CEP290: variants seen among roughly 807,000 people sequenced by gnomAD.
CEP290 encodes centrosomal protein 290, also known as centrosomal protein of 290 kDa.
Under a neutral mutation model 344.9 loss-of-function variants are expected in CEP290, and 317 were observed. That is an observed-to-expected ratio of 0.92 (90% CI 0.84 to 1.01). CEP290 has a LOEUF of 1.01. Among genes scored for constraint, CEP290 ranks in the 50% least tolerant of loss-of-function variants. CEP290 has a pLI of 0.00. For missense variants in CEP290, 2,754 were observed against 2,761.4 expected (o/e 1.00, Z 0.06); for synonymous variants, 932 against 895.8 (o/e 1.04, Z -0.72).
intron 35 of CEP290, among the ~76,000 whole-genome samples, 170 bp from the exon 36 acceptor site, chr12:88,084,124 A>G (rs990586188): frequency 5.9e-5 from 9 of 152,168 alleles, no homozygotes; most frequent in Non-Finnish European, 1.2e-4. Context: ...CCCCTCAGAC[A>G]ATGTTCAAGT....
At position 88,139,982 on chromosome 12, in the gene CEP290, C is replaced by T. The variant is rs181028070; in HGVS notation, c.181-418G>A. 2.5e-3 allele frequency among the ~76,000 whole-genome samples: 374 copies of T among 152,258 alleles called. 2 individuals are homozygous for T. Among genetic ancestry groups the T allele is most frequent in the African/African-American group, 8.6e-3 (359 of 41,558 alleles). Reference sequence around the variant, plus strand: ...TATTATCCAGGCTAGTCTTGAACTCCCAGGCTCAAGCAATCCTCCTGCCTT... The same window carrying T: ...TATTATCCAGGCTAGTCTTGAACTCTCAGGCTCAAGCAATCCTCCTGCCTT... On this transcript the variant is annotated intron_variant, in intron 3 of 53. Transcript: ENST00000552810.
chr12:88,132,391 G>A (rs1413320902), intron 6 of CEP290, among the ~76,000 whole-genome samples: 1 of 152,174 alleles, frequency 6.6e-6, no homozygotes, highest in Non-Finnish European at 1.5e-5. Context: ...TGGAGGTGGG[G>A]AGACTGAAGG....
chr12:88,141,831 A>C (rs2040696553), intron 1 of CEP290, 69 bp downstream of exon 1: 1 of 152,716 alleles, frequency 6.5e-6, no homozygotes, highest in South Asian at 2.1e-4. Flanking sequence ...GCTGTGGCAC[A>C]CGGGCCCTCA....
chr12:88,110,185 A>G (rs2038579804), intron 22 of CEP290, among the ~76,000 whole-genome samples: 1 of 152,178 alleles, frequency 6.6e-6, no homozygotes, highest in East Asian at 1.9e-4. Context: ...TTGATTCTGA[A>G]CATATATTTG....
intron 7 of CEP290, 22 bp downstream of exon 7, chr12:88,131,143 C>G (rs1269950832): frequency 6.7e-7 from 1 of 1,489,426 alleles, no homozygotes. Context: ...GTTGAACCAC[C>G]ACAACTACTA....
chr12:88,053,630 CAT>C lies in CEP290; in HGVS notation c.7129+20_7129+21del. On this transcript the variant is annotated intron_variant, in intron 52 of 53. Coordinates refer to ENST00000552810, the MANE Select transcript of CEP290 (RefSeq NM_025114.4). ...AATTCAAAAACTTGGGGGTAGCTAA[CAT>C]GTTTTTTAAAATACATTACCAGGTA... is the stretch of plus-strand genomic sequence containing the variant. 1 of 1,206,894 alleles carries C rather than the reference CAT, an allele frequency of 8.3e-7. No homozygotes were observed. Among genetic ancestry groups the C allele is most frequent in the Non-Finnish European group, 1.2e-6 (1 of 851,224 alleles). The allele number at this position is 1,206,894 out of a possible 1,614,324, so 74.8% of individuals were successfully genotyped here. A position where few individuals can be genotyped will look rare whatever the true frequency, so the allele number is the denominator to read the frequency against.
Position 88,109,071 on chromosome 12 carries a change from G to C in CEP290, c.2478C>G (p.Tyr826Ter), listed in dbSNP as rs758193337. 2 of 1,210,748 alleles carry C rather than the reference G, an allele frequency of 1.7e-6. No homozygotes were observed. Among genetic ancestry groups the C allele is most frequent in the Non-Finnish European group, 1.1e-6 (1 of 873,730 alleles). 75.0% of individuals were successfully genotyped at this position (1,210,748 alleles called of 1,614,324 possible). ...AGTTTTGCTAATACCTATACCTTAG[G>C]TATTCTTTATACAACAAACTTTGTT... ...RHQQSLLYKE[Y>*]LSEKETWKTE... The change falls in exon 23 of 54, where the codon TAC (tyrosine) becomes TAG (stop). Residue 826 changes from tyrosine to a stop codon, truncating the protein, a stop_gained. Coordinates refer to ENST00000552810, the MANE Select transcript of CEP290 (RefSeq NM_025114.4). LOFTEE classifies it high-confidence loss of function.
intron 13 of CEP290, among the ~76,000 whole-genome samples, chr12:88,121,745 G>A (rs2039418195): frequency 6.6e-6 from 1 of 152,090 alleles, no homozygotes; most frequent in African/African-American, 2.4e-5. Context: ...TGTTGAGATA[G>A]GCACAGCAAC....
At chr12:88,066,248 C>T (rs1005509004) in intron 44 of CEP290, among the ~76,000 whole-genome samples, 5 of 152,130 alleles carry the variant, frequency 3.3e-5, no homozygotes, top group African/African-American at 9.7e-5. Flanking sequence ...GTAGTACGTA[C>T]ATAAAAAGTC....
chr12:88,130,256 T>A lies in CEP290; in HGVS notation c.669+12A>T. The A allele has an allele frequency of 6.3e-7, 1 of 1,592,410 alleles. No individual in the cohort carries two copies. The highest frequency in any genetic ancestry group is 1.7e-4 in the Middle Eastern group (1 of 5,984). On this transcript the variant is annotated intron_variant, in intron 9 of 53. Coordinates refer to ENST00000552810, the MANE Select transcript of CEP290 (RefSeq NM_025114.4). ...GGAACCATTGCTCTGAATTGACTTC[T>A]AGCCATTTTACCTGAATTTCATCAA...
chr12:88,077,493 C>T, intron 40 of CEP290, 149 bp from the exon 41 acceptor site: 1 of 672,136 alleles, frequency 1.5e-6, no homozygotes, highest in Middle Eastern at 4.2e-4. Flanking sequence ...AATCTGGTAG[C>T]TGCTTCTGCA....
intron 26 of CEP290, among the ~76,000 whole-genome samples, chr12:88,102,246 T>A (rs1047332731): frequency 6.6e-6 from 1 of 152,198 alleles, no homozygotes; most frequent in Admixed American, 6.5e-5. Context: ...CTACTCTAGT[T>A]TTTTTATTTT....
chr12:88,106,792 AT>A lies in CEP290; in HGVS notation c.2699del (p.Tyr900LeufsTer4). Reference sequence around the variant, plus strand: ...GTCGCTCCAATTCTACTAAGGTTGTATATTGCCTTATAAGTGATTTTTCATT... The same window carrying A: ...GTCGCTCCAATTCTACTAAGGTTGTAATTGCCTTATAAGTGATTTTTCATT... ...QVNEKSLIRQ[Y>X]TTLVELERQL... On this transcript the variant is annotated frameshift_variant, in exon 25 of 54. Transcript: ENST00000552810. LOFTEE classifies it high-confidence loss of function. 1 of 1,609,612 alleles carries A rather than the reference AT, an allele frequency of 6.2e-7. No individual in the cohort carries two copies. The highest frequency in any genetic ancestry group is 8.5e-7 in the Non-Finnish European group (1 of 1,177,484).
intron 35 of CEP290, among the ~76,000 whole-genome samples, chr12:88,084,276 G>T (rs1051955962): frequency 6.6e-6 from 1 of 151,762 alleles, no homozygotes; most frequent in African/African-American, 2.4e-5. Flanking sequence ...ACTGATTACC[G>T]GTGTGATATA....
chr12:88,087,484 G>A (rs2036669479), intron 32 of CEP290, among the ~76,000 whole-genome samples: 1 of 151,960 alleles, frequency 6.6e-6, no homozygotes, highest in Non-Finnish European at 1.5e-5. Flanking sequence ...ACTTTGGGAG[G>A]CCGAGGCGGG....
intron 41 of CEP290, among the ~76,000 whole-genome samples, chr12:88,073,828 C>T (rs1011510839): frequency 2.6e-5 from 4 of 152,126 alleles, no homozygotes; most frequent in African/African-American, 7.2e-5. Flanking sequence ...CCTATCAAAA[C>T]GACTTTCTCG....
At position 88,071,890 on chromosome 12, in the gene CEP290, T is replaced by C. The variant is rs2035404375; in HGVS notation, c.5746A>G (p.Lys1916Glu). Residue 1916 changes from lysine to glutamate, a missense_variant, in exon 42 of 54, where the codon AAA (lysine) becomes GAA (glutamate). Lys to Glu is a moderately conservative substitution (Grantham distance 56). Transcript: ENST00000552810. ...CCTTCTATTTTGGCTTGCCACTTTTTACCTTCTTCCCACCTAATTAATTCT... is the reference window on the plus strand; with the variant it reads ...CCTTCTATTTTGGCTTGCCACTTTTCACCTTCTTCCCACCTAATTAATTCT... ...KEELIRWEEG[K>E]KWQAKIEGIR... The C allele has an allele frequency of 1.2e-6, 2 of 1,603,450 alleles. No homozygotes were observed. Among genetic ancestry groups the C allele is most frequent in the Non-Finnish European group, 1.7e-6 (2 of 1,175,780 alleles).
Position 88,111,754 on chromosome 12 carries a change from G to T in CEP290, c.2157C>A (p.Leu719=). 1 of 1,604,496 alleles carries T rather than the reference G, an allele frequency of 6.2e-7. No homozygotes were observed. Among genetic ancestry groups the T allele is most frequent in the African/African-American group, 1.3e-5 (1 of 74,440 alleles). The stretch of plus-strand genomic sequence containing the variant: ...TTATAGCCTCTTTCCGAGATTCCCT[G>T]AGCTCCTGTCTTAATTCTTCATTTC... ...TGRNEELRQE[L]RESRKEAINY... The change falls in exon 21 of 54, where the codon CTC becomes CTA. Residue 719 remains leucine, a synonymous_variant. Coordinates refer to ENST00000552810, the MANE Select transcript of CEP290 (RefSeq NM_025114.4).
intron 34 of CEP290, among the ~76,000 whole-genome samples, chr12:88,085,142 T>C (rs1592839211): frequency 6.6e-6 from 1 of 152,068 alleles, no homozygotes; most frequent in Non-Finnish European, 1.5e-5. Context: ...GAATTATACA[T>C]GTATGGTGGT....
Sources: allele counts gnomAD v4.1 joint callset (sites outside exome capture counted in the v4.1 genomes callset), GRCh38; gene constraint gnomAD v4.1.1; transcripts MANE v1.5; gene names NCBI Gene and HGNC (gene_info 2026-07-23, HGNC 2026-07-21).